The following TBCD variants were observed in gnomAD, a reference collection of about 807,000 sequenced individuals.
TBCD encodes tubulin-specific chaperone D.
A neutral mutation model predicts 169.3 loss-of-function variants in TBCD; 105 were observed. The observed-to-expected ratio is 0.62, with a 90% confidence interval of 0.53 to 0.73. The LOEUF (loss-of-function observed/expected upper bound fraction) is 0.73, where lower values mean the gene tolerates loss of function less well. TBCD is among the 30% of genes least tolerant of loss of function. The pLI is 0.00. For synonymous variants in TBCD, 700 were observed against 643.9 expected, an observed-to-expected ratio of 1.09 and a Z score of -1.32; for missense variants, 1,444 against 1,600.1, an observed-to-expected ratio of 0.90 and a Z score of 1.66.
In TBCD at chr17:82,903,357, T is replaced by C. The variant is rs997070514; in HGVS notation, c.1731-48T>C. 23 of 1,521,196 alleles carry C rather than the reference T, an allele frequency of 1.5e-5. No individual in the cohort carries two copies. The highest frequency in any genetic ancestry group is 1.5e-5 in the Non-Finnish European group (17 of 1,115,008). 94.2% of individuals were successfully genotyped at this position (1,521,196 alleles called of 1,614,324 possible). On this transcript the variant is annotated intron_variant, in intron 18 of 38. Coordinates refer to ENST00000355528, the MANE Select transcript of TBCD (RefSeq NM_005993.5). This position sits in a 1 kb window ranked among gnomAD's most constrained non-coding sequence, Gnocchi z 4.8. ...TTTCTTTTTATGAATTGAATAAAGC[T>C]AGAATCATAAAATGAAGGCACTTAC...
chr17:82,812,522 G>A (rs1471665171), intron 12 of TBCD, among the ~76,000 whole-genome samples: 1 of 152,226 alleles, frequency 6.6e-6, no homozygotes, highest in African/African-American at 2.4e-5. Flanking sequence ...GACTGATGCA[G>A]GTGTGAGCAG....
At chr17:82,812,471 C>A (rs1213609307) in intron 12 of TBCD, among the ~76,000 whole-genome samples, 2 of 152,216 alleles carry the variant, frequency 1.3e-5, no homozygotes, top group Admixed American at 1.3e-4. Context: ...CCAGAGCCCC[C>A]CCGCAGGTGA....
At chr17:82,847,798 T>G (rs1292308480) in intron 13 of TBCD, among the ~76,000 whole-genome samples, 1 of 152,142 alleles carries the variant, frequency 6.6e-6, no homozygotes, top group Non-Finnish European at 1.5e-5. Context: ...GTATTTTGTA[T>G]TTTTAGTAGA....
Position 82,752,140 on chromosome 17 carries a change from C to G in TBCD, c.-54C>G. ...TTCATCCCTGGCTTTCGCGCTCTAG[C>G]GGAGTGGGATCTGCGAACACGTGAG... On this transcript the variant is annotated 5_prime_UTR_variant, in exon 1 of 39. Coordinates refer to ENST00000355528, the MANE Select transcript of TBCD (RefSeq NM_005993.5). 2.8e-6 allele frequency: 4 copies of G among 1,453,110 alleles called. No individual in the cohort carries two copies. Among genetic ancestry groups the G allele is most frequent in the Non-Finnish European group, 1.8e-6 (2 of 1,105,358 alleles). The allele number at this position is 1,453,110 out of a possible 1,614,324, so 90.0% of individuals were successfully genotyped here.
At chr17:82,907,158 C>A (rs1255679506) in intron 20 of TBCD, among the ~76,000 whole-genome samples, 1 of 152,270 alleles carries the variant, frequency 6.6e-6, no homozygotes, top group East Asian at 1.9e-4. Flanking sequence ...ACGGTTTGCG[C>A]AGATTGAGCC....
intron 7 of TBCD, among the ~76,000 whole-genome samples, chr17:82,785,779 A>G (rs374163378): frequency 7.0e-6 from 1 of 142,648 alleles, no homozygotes; most frequent in African/African-American, 2.7e-5. Flanking sequence ...GGACCACTGG[A>G]TCCCGCCCAT....
intron 13 of TBCD, among the ~76,000 whole-genome samples, chr17:82,850,248 C>CTGTTGTTGGCTGTGT (rs1567888300): frequency 3.5e-5 from 5 of 143,608 alleles, no homozygotes; most frequent in African/African-American, 1.3e-4. Context: ...GTTGGCTGTG[C>CTGTTGTTGGCTGTGT]TGTTGTTGGC....
intron 15 of TBCD, among the ~76,000 whole-genome samples, chr17:82,887,381 G>A (rs188065421): frequency 2.0e-5 from 3 of 152,138 alleles, no homozygotes; most frequent in Admixed American, 1.3e-4. Context: ...CTGTCATCTC[G>A]AGAATGCTGT....
chr17:82,838,948 G>C (rs933591552), intron 13 of TBCD: 1 of 985,266 alleles, frequency 1.0e-6, no homozygotes, highest in African/African-American at 1.7e-5. Context: ...AGATGTGGAC[G>C]GACTGTGCTT....
intron 2 of TBCD, among the ~76,000 whole-genome samples, chr17:82,758,400 A>AAAT (rs1555672643): frequency 1.0e-4 from 10 of 100,060 alleles, no homozygotes; most frequent in African/African-American, 2.2e-4. Flanking sequence ...AAAAAAAAAA[A>AAAT]AAATAAATAA....
chr17:82,920,487 G>T lies in TBCD; in HGVS notation c.2039-69G>T, dbSNP rs2061351785. 1 of 1,386,562 alleles carries T rather than the reference G, an allele frequency of 7.2e-7. No individual in the cohort carries two copies. Among genetic ancestry groups the T allele is most frequent in the Admixed American group, 2.1e-5 (1 of 46,716 alleles). The allele number at this position is 1,386,562 out of a possible 1,614,324, so 85.9% of individuals were successfully genotyped here. On this transcript the variant is annotated intron_variant, in intron 23 of 38. Transcript: ENST00000355528. This position sits in a 1 kb window ranked among gnomAD's most constrained non-coding sequence, Gnocchi z 4.1. ...CGCACACAACTCAGAATGTGGCAAA[G>T]GCAAGCCGCTGTGGCAGGCGCTTTT...
In TBCD at chr17:82,807,645, C is replaced by G; in HGVS notation, c.1125C>G (p.Val375=). Reference sequence around the variant, plus strand: ...TCGGGCTGAAGGACAAGGACACGGTCGTGCGGTGGTCTGCAGCCAAGGGGT... The same window carrying G: ...TCGGGCTGAAGGACAAGGACACGGTGGTGCGGTGGTCTGCAGCCAAGGGGT... The part of the protein sequence containing the change: ...LLVGLKDKDT[V]VRWSAAKGIG... The change falls in exon 11 of 39, where the codon GTC becomes GTG. Residue 375 remains valine, a synonymous_variant. Transcript: ENST00000355528. 2 of 1,553,670 alleles carry G rather than the reference C, an allele frequency of 1.3e-6. No individual in the cohort carries two copies. Among genetic ancestry groups the G allele is most frequent in the Non-Finnish European group, 1.7e-6 (2 of 1,148,614 alleles).
chr17:82,809,884 T>A (rs927559128), intron 12 of TBCD, 102 bp downstream of exon 12: 2 of 1,075,252 alleles, frequency 1.9e-6, no homozygotes, highest in Non-Finnish European at 2.7e-6. Flanking sequence ...GAGCTGTTTG[T>A]CAGAACTCCA....
At chr17:82,891,603 G>T (rs746861133) in intron 16 of TBCD, among the ~76,000 whole-genome samples, 1 of 152,190 alleles carries the variant, frequency 6.6e-6, no homozygotes, top group Non-Finnish European at 1.5e-5. Context: ...TGGACGTGTC[G>T]CATAGCACAC....
chr17:82,911,823 C>A (rs374277758), intron 23 of TBCD, 34 bp downstream of exon 23: 45 of 1,612,520 alleles, frequency 2.8e-5, no homozygotes, highest in Non-Finnish European at 3.7e-5. Flanking sequence ...CCTCTGCAGC[C>A]CTTTGCCGCA....
intron 7 of TBCD, among the ~76,000 whole-genome samples, chr17:82,796,756 A>C (rs1228419494): frequency 1.3e-5 from 2 of 152,210 alleles, no homozygotes; most frequent in Non-Finnish European, 2.9e-5. Flanking sequence ...AGAGAGTCTA[A>C]GTTCCCTCTC....
At chr17:82,823,423 A>G (rs1217426861) in intron 13 of TBCD, among the ~76,000 whole-genome samples, 1 of 152,260 alleles carries the variant, frequency 6.6e-6, no homozygotes, top group Non-Finnish European at 1.5e-5. Context: ...AATGCAAAGC[A>G]TGAGACATCT....
rs539636818 is a variant in TBCD, at chr17:82,915,660, T to A, written c.2038+3871T>A. ...TGTCTTAAAACCACAGGTGTTTTTT[T>A]ATCCTGCTCACATGTGGATCACCGA... On this transcript the variant is annotated intron_variant, in intron 23 of 38. Coordinates refer to ENST00000355528, the MANE Select transcript of TBCD (RefSeq NM_005993.5). The surrounding 1 kb of genome is among the most constrained non-coding windows in gnomAD (Gnocchi z 4.3). 1.2e-3 allele frequency among the ~76,000 whole-genome samples: 189 copies of A among 152,316 alleles called. No individual in the cohort carries two copies. Among genetic ancestry groups the A allele is most frequent in the Admixed American group, 3.0e-3 (46 of 15,302 alleles).
Position 82,768,502 on chromosome 17 carries a change from A to G in TBCD, c.518A>G (p.Asn173Ser). ...TTTGATTTTTCTCGCCTTGACGGGA[A>G]CCTCCTCACCCAGCCTGGGCAAGCA... ...IPFDFSRLDG[N>S]LLTQPGQARM... Residue 173 changes from asparagine to serine, a missense_variant, in exon 5 of 39, where the codon AAC becomes AGC. Asn to Ser is a conservative substitution (Grantham distance 46). Coordinates refer to ENST00000355528, the MANE Select transcript of TBCD (RefSeq NM_005993.5). 1 of 1,612,360 alleles carries G rather than the reference A, an allele frequency of 6.2e-7. No homozygotes were observed. The highest frequency in any genetic ancestry group is 8.5e-7 in the Non-Finnish European group (1 of 1,179,352).
Sources: gnomAD v4.1 joint callset for allele counts (sites outside exome capture counted in the v4.1 genomes callset) on GRCh38, gnomAD v4.1.1 for gene constraint, Gnocchi (gnomAD v3.1) non-coding constraint, MANE v1.5 for transcripts, NCBI Gene and HGNC (gene_info 2026-07-23, HGNC 2026-07-21) for gene names.